Variants in USP25 observed in about 807,000 individuals in gnomAD.
USP25 encodes ubiquitin specific peptidase 25.
Under a neutral mutation model 158.5 loss-of-function variants are expected in USP25, and 85 were observed. The ratio of observed to expected loss-of-function variants is 0.54; its 90% CI spans 0.45 to 0.64. USP25 has a LOEUF of 0.64. Ranked by LOEUF, USP25 falls within the 30% of genes least tolerant of loss-of-function variation. The pLI is 0.00. For synonymous variants in USP25, 464 were observed against 460.4 expected, an observed-to-expected ratio of 1.01 and a Z score of -0.10; for missense variants, 1,242 against 1,327.3, an observed-to-expected ratio of 0.94 and a Z score of 1.00.
chr21:15,755,868 GA>G (rs2033340294), intron 1 of USP25, among the ~76,000 whole-genome samples: 1 of 152,170 alleles, frequency 6.6e-6, no homozygotes, highest in Non-Finnish European at 1.5e-5. Context: ...CATAAAGGGA[GA>G]AGTGGAGGAT....
At chr21:15,799,219 G>A (rs907029103) in intron 5 of USP25, among the ~76,000 whole-genome samples, 1 of 151,196 alleles carries the variant, frequency 6.6e-6, no homozygotes, top group Non-Finnish European at 1.5e-5. Flanking sequence ...TGCTCCATTA[G>A]ATTCTTGTGT....
In USP25 at chr21:15,826,098, C is replaced by A; in HGVS notation, c.1305-106C>A. ...GTTTTAAAGCAAATGAATTTTATTG[C>A]TGAGGAAGTTTTATTGAAGTATCGT... On this transcript the variant is annotated intron_variant, in intron 12 of 25. Transcript: ENST00000400183. This position sits in a 1 kb window ranked among gnomAD's most constrained non-coding sequence, Gnocchi z 4.8. The A allele has an allele frequency of 8.5e-7, 1 of 1,172,762 alleles. No individual in the cohort carries two copies. The highest frequency in any genetic ancestry group is 2.6e-5 in the Admixed American group (1 of 39,014). 72.6% of individuals were successfully genotyped at this position (1,172,762 alleles called of 1,614,324 possible).
At chr21:15,857,393 G>A (rs2039205678) in intron 20 of USP25, among the ~76,000 whole-genome samples, 1 of 151,990 alleles carries the variant, frequency 6.6e-6, no homozygotes. Flanking sequence ...TTAAATACTA[G>A]TATTATCAAA....
chr21:15,860,195 C>G (rs1261112754), intron 20 of USP25, among the ~76,000 whole-genome samples: 2 of 151,954 alleles, frequency 1.3e-5, no homozygotes, highest in Non-Finnish European at 2.9e-5. Flanking sequence ...CACTGTTTCC[C>G]AGGCTGGAGT....
chr21:15,842,495 A>T lies in USP25; in HGVS notation c.2292A>T (p.Ala764=). The T allele has an allele frequency of 6.2e-7, 1 of 1,613,774 alleles. No homozygotes were observed. Among genetic ancestry groups the T allele is most frequent in the Non-Finnish European group, 8.5e-7 (1 of 1,179,750 alleles). ...KEETIQIITK[A]SHEHEDKSPE... ...AAACTATTCAAATAATTACCAAGGC[A>T]TCACATGAGCATGAAGATAAAAGTC... Residue 764 remains alanine, a synonymous_variant, in exon 18 of 26, where the codon GCA becomes GCT. Coordinates refer to ENST00000400183, the MANE Select transcript of USP25 (RefSeq NM_001283041.3).
chr21:15,774,957 T>A (rs1329174842), intron 3 of USP25, among the ~76,000 whole-genome samples: 1 of 152,176 alleles, frequency 6.6e-6, no homozygotes, highest in Non-Finnish European at 1.5e-5. Flanking sequence ...TATTTTTTTA[T>A]TTAAGGACTT....
intron 3 of USP25, among the ~76,000 whole-genome samples, chr21:15,775,742 C>A (rs540254552): frequency 1.0e-3 from 34 of 33,280 alleles, no homozygotes; most frequent in Non-Finnish European, 1.9e-3. Context: ...GGTTGCCACC[C>A]CCCCCCCCCC....
chr21:15,730,434 A>G lies in USP25; in HGVS notation c.41A>G (p.Gln14Arg), dbSNP rs1365367855. ...EQNVLQQSAAQKHQQTFLNQL... is the reference protein window; with the variant it reads ...EQNVLQQSAARKHQQTFLNQL... ...AACGTGCTGCAGCAGAGCGCGGCGC[A>G]GAAGGTGAGGCGAGTCCGCCAGCCG... The change falls in exon 1 of 26, where the codon CAG (glutamine) becomes CGG (arginine). Residue 14 changes from glutamine to arginine, a missense_variant. By Grantham distance (43) the Gln-to-Arg change is conservative. This residue lies in a region of USP25 where 627 missense variants were observed against 701.4 expected (regional missense o/e 0.89). Coordinates refer to ENST00000400183, the MANE Select transcript of USP25 (RefSeq NM_001283041.3). 7.3e-7 allele frequency: 1 copy of G among 1,363,904 alleles called. No homozygotes were observed. Among genetic ancestry groups the G allele is most frequent in the Non-Finnish European group, 9.5e-7 (1 of 1,049,034 alleles). 84.5% of individuals were successfully genotyped at this position (1,363,904 alleles called of 1,614,324 possible). A position where few individuals can be genotyped will look rare whatever the true frequency, so the allele number is the denominator to read the frequency against.
intron 11 of USP25, among the ~76,000 whole-genome samples, chr21:15,824,368 A>T (rs933214388): frequency 4.6e-5 from 7 of 152,240 alleles, no homozygotes; most frequent in South Asian, 2.1e-4. Flanking sequence ...AAGGAAATTT[A>T]AAAAAGATGA....
intron 3 of USP25, among the ~76,000 whole-genome samples, chr21:15,770,351 T>A (rs143309839): frequency 7.9e-5 from 12 of 152,152 alleles, no homozygotes; most frequent in Admixed American, 2.0e-4. Context: ...GAGCTTCAGA[T>A]TGATTAGATG....
intron 16 of USP25, 99 bp downstream of exon 16, chr21:15,831,728 G>A (rs939915256): frequency 1.0e-6 from 1 of 994,948 alleles, no homozygotes; most frequent in Non-Finnish European, 1.5e-6. Context: ...GACGATGAAG[G>A]ATGTGGTTAG....
chr21:15,773,116 A>C (rs554188730), intron 3 of USP25: 1 of 152,352 alleles, frequency 6.6e-6, no homozygotes, highest in South Asian at 2.1e-4. Flanking sequence ...TCCAGCATTA[A>C]GGACTACTAT....
Position 15,830,542 on chromosome 21 carries a change from A to C in USP25, c.1705A>C (p.Ser569Arg), listed in dbSNP as rs139543191. Residue 569 changes from serine to arginine, a missense_variant, in exon 15 of 26, where the codon AGC becomes CGC. Coordinates refer to ENST00000400183, the MANE Select transcript of USP25 (RefSeq NM_001283041.3). ...CCTTATATCCTTAGATTTGCAGGAAAGCATATCCAGAATCCATCGAACAAT... is the reference window on the plus strand; with the variant it reads ...CCTTATATCCTTAGATTTGCAGGAACGCATATCCAGAATCCATCGAACAAT... ...IENDTRDLQE[S>R]ISRIHRTIEL... The C allele has an allele frequency of 6.2e-7, 1 of 1,604,572 alleles. No homozygotes were observed. The highest frequency in any genetic ancestry group is 1.3e-5 in the African/African-American group (1 of 74,650).
intron 1 of USP25, among the ~76,000 whole-genome samples, chr21:15,757,627 C>T (rs1327528198): frequency 6.6e-6 from 1 of 152,226 alleles, no homozygotes; most frequent in African/African-American, 2.4e-5. Flanking sequence ...ACTTTTTTCA[C>T]ATGTGCCTCA....
rs1416603877 is a variant in USP25 at position 15,875,852 on chromosome 21, T to A, written c.3009+1326T>A. The A allele has an allele frequency of 2.0e-5, 3 of 152,206 alleles. No individual in the cohort carries two copies. The highest frequency in any genetic ancestry group is 4.4e-5 in the Non-Finnish European group (3 of 68,040). The allele number at this position is 152,206 out of a possible 1,614,324, so 9.4% of individuals were successfully genotyped here. ...TGCACCAGTGTAAGTTTGATTAGGT[T>A]TGGCATAATGAGGTTTGTTTTCAGA... On this transcript the variant is annotated intron_variant, in intron 24 of 25. Coordinates refer to ENST00000400183, the MANE Select transcript of USP25 (RefSeq NM_001283041.3). This position sits in a 1 kb window ranked among gnomAD's most constrained non-coding sequence, Gnocchi z 4.7.
At chr21:15,785,936 G>T (rs367814988) in intron 4 of USP25, among the ~76,000 whole-genome samples, 2 of 150,276 alleles carry the variant, frequency 1.3e-5, no homozygotes, top group African/African-American at 4.9e-5. Flanking sequence ...AAAAAGACTC[G>T]AATAAATAAA....
chr21:15,826,493 T>A lies in USP25; in HGVS notation c.1466+128T>A. The A allele has an allele frequency of 9.1e-7, 1 of 1,095,638 alleles. No homozygotes were observed. Among genetic ancestry groups the A allele is most frequent in the Non-Finnish European group, 1.3e-6 (1 of 766,876 alleles). 67.9% of individuals were successfully genotyped at this position (1,095,638 alleles called of 1,614,324 possible). A position where few individuals can be genotyped will look rare whatever the true frequency, so the allele number is the denominator to read the frequency against. On this transcript the variant is annotated intron_variant, in intron 13 of 25. Coordinates refer to ENST00000400183, the MANE Select transcript of USP25 (RefSeq NM_001283041.3). This position sits in a 1 kb window ranked among gnomAD's most constrained non-coding sequence, Gnocchi z 4.8. ...ACTTCAGTGAACTCCTAAGAGTAGATTCACTTAGAAGACTGTATGTCCTCT... is the reference window on the plus strand; with the variant it reads ...ACTTCAGTGAACTCCTAAGAGTAGAATCACTTAGAAGACTGTATGTCCTCT...
intron 15 of USP25, 31 bp from the exon 16 acceptor site, chr21:15,831,370 G>A: frequency 6.3e-7 from 1 of 1,592,960 alleles, no homozygotes; most frequent in Non-Finnish European, 8.6e-7. Context: ...CTACATAATT[G>A]CAGTTTAACT....
At chr21:15,788,138 A>T (rs2035397123) in intron 4 of USP25, among the ~76,000 whole-genome samples, 1 of 151,298 alleles carries the variant, frequency 6.6e-6, no homozygotes, top group Admixed American at 6.6e-5. Context: ...CCCTTCAAAC[A>T]TTTTGTTATA....
Sources: gnomAD v4.1 joint callset for allele counts (sites outside exome capture counted in the v4.1 genomes callset) on GRCh38, gnomAD v4.1.1 for gene constraint, gnomAD v4.1.1 regional missense constraint, Gnocchi (gnomAD v3.1) non-coding constraint, MANE v1.5 for transcripts, NCBI Gene and HGNC (gene_info 2026-07-23, HGNC 2026-07-21) for gene names.